The following NAA40 variants were observed in gnomAD, a reference collection of about 807,000 sequenced individuals.
The protein encoded by NAA40 is N-alpha-acetyltransferase 40, NatD catalytic subunit.
In NAA40, 26 loss-of-function variants were observed where a neutral mutation model predicts 36.6. The ratio of observed to expected loss-of-function variants is 0.71; its 90% CI spans 0.52 to 0.98. The LOEUF (loss-of-function observed/expected upper bound fraction) is 0.98, where lower values mean the gene tolerates loss of function less well. Ranked by LOEUF, NAA40 falls within the 50% of genes least tolerant of loss-of-function variation. The pLI is 0.00. For missense variants in NAA40, 237 were observed against 306.5 expected, an observed-to-expected ratio of 0.77 and a Z score of 1.69; for synonymous variants, 129 against 108.4, an observed-to-expected ratio of 1.19 and a Z score of -1.18.
chr11:63,944,413 C>T (rs1942153951), intron 1 of NAA40, among the ~76,000 whole-genome samples: 1 of 152,144 alleles, frequency 6.6e-6, no homozygotes, highest in African/African-American at 2.4e-5. Context: ...GGGATGCCTT[C>T]TGGGGACCAG....
At chr11:63,951,342 GT>G (rs530820370) in intron 3 of NAA40, among the ~76,000 whole-genome samples, 4 of 151,376 alleles carry the variant, frequency 2.6e-5, no homozygotes, top group Admixed American at 2.0e-4. Context: ...GCTTCACCCG[GT>G]TTTTTTTTGT....
intron 1 of NAA40, 41 bp downstream of exon 1, chr11:63,939,143 C>T (rs1942064427): frequency 6.3e-7 from 1 of 1,576,036 alleles, no homozygotes; most frequent in Non-Finnish European, 8.6e-7. Context: ...TCCAGGGGCG[C>T]TCCTCGCTAC....
At chr11:63,949,154 C>T (rs1464793758) in intron 3 of NAA40, among the ~76,000 whole-genome samples, 2 of 152,136 alleles carry the variant, frequency 1.3e-5, no homozygotes. Flanking sequence ...GCATTGCACT[C>T]TAGCCTGGGT....
At chr11:63,954,254 T>C (rs1334110187) in intron 7 of NAA40, 84 bp from the exon 8 acceptor site, 11 of 1,512,930 alleles carry the variant, frequency 7.3e-6, no homozygotes, top group Admixed American at 6.3e-5. Context: ...GTCTCATCAG[T>C]GTGGCTGGTA....
chr11:63,941,802 C>T (rs1942113313), intron 1 of NAA40, among the ~76,000 whole-genome samples: 5 of 152,136 alleles, frequency 3.3e-5, no homozygotes, highest in Admixed American at 3.3e-4. Flanking sequence ...AATCCACCCA[C>T]CTCCGCCTCC....
intron 3 of NAA40, among the ~76,000 whole-genome samples, chr11:63,950,727 G>A (rs1286983170): frequency 6.6e-6 from 1 of 152,130 alleles, no homozygotes; most frequent in South Asian, 2.1e-4. Context: ...CTCCCAAAGT[G>A]CTGGGATTAC....
Position 63,955,152 on chromosome 11 carries a change from C to G in NAA40, c.*673C>G, listed in dbSNP as rs1442056158. ...TCGCTGTCAGAGAGCCTGAAAGGAC[C>G]AACAATGAGGTGTTCTTGGGACCCG... On this transcript the variant is annotated 3_prime_UTR_variant, in exon 8 of 8. Coordinates refer to ENST00000377793, the MANE Select transcript of NAA40 (RefSeq NM_024771.4). 1 of 152,528 alleles carries G rather than the reference C, an allele frequency of 6.6e-6. No homozygotes were observed. The highest frequency in any genetic ancestry group is 1.5e-5 in the Non-Finnish European group (1 of 68,036). 9.4% of individuals were successfully genotyped at this position (152,528 alleles called of 1,614,324 possible). A position where few individuals can be genotyped will look rare whatever the true frequency, so the allele number is the denominator to read the frequency against.
Position 63,954,036 on chromosome 11 carries a change from A to G in NAA40, c.559A>G (p.Arg187Gly). ...CAATCATGGTGCCTACCAGTTCTTC[A>G]GAGAAGCGTTGCAGTAAGGAGCTGG... ...KHNHGAYQFF[R>G]EALQFEIDDS... Residue 187 changes from arginine (R) to glycine (G), a missense_variant, in exon 7 of 8, where the codon AGA (arginine) becomes GGA (glycine). Arg to Gly is a moderately radical substitution (Grantham distance 125, BLOSUM62 -2). Transcript: ENST00000377793. 1 of 1,614,162 alleles carries G rather than the reference A, an allele frequency of 6.2e-7. No homozygotes were observed. Among genetic ancestry groups the G allele is most frequent in the Non-Finnish European group, 8.5e-7 (1 of 1,180,022 alleles).
chr11:63,944,090 A>G (rs769500637), intron 1 of NAA40, among the ~76,000 whole-genome samples: 1 of 152,188 alleles, frequency 6.6e-6, no homozygotes, highest in Non-Finnish European at 1.5e-5. Flanking sequence ...TATAAGAACA[A>G]TCCCTGTGAG....
At chr11:63,940,107 A>G (rs962084200) in intron 1 of NAA40, among the ~76,000 whole-genome samples, 11 of 134,328 alleles carry the variant, frequency 8.2e-5, no homozygotes, top group African/African-American at 2.5e-4. Context: ...CTGGAGTGCA[A>G]TGGCGCGATC....
rs772024933 is a variant in NAA40 at position 63,952,468 on chromosome 11, C to T, written c.313C>T (p.Arg105Ter). 7 of 1,614,152 alleles carry T rather than the reference C, an allele frequency of 4.3e-6. No individual in the cohort carries two copies. Among genetic ancestry groups the T allele is most frequent in the Non-Finnish European group, 5.9e-6 (7 of 1,180,028 alleles). Residue 105 changes from arginine to a stop codon, truncating the protein, a stop_gained, in exon 5 of 8, where the codon CGA becomes TGA. Coordinates refer to ENST00000377793, the MANE Select transcript of NAA40 (RefSeq NM_024771.4). LOFTEE classifies it high-confidence loss of function. ...REKREEMTDDRAWYLIAWENS... is the reference protein window; with the variant it reads ...REKREEMTDD The stretch of plus-strand genomic sequence containing the variant: ...GAAACGGGAGGAAATGACAGATGAC[C>T]GAGCCTGGTACCTCATCGCGTGGGA...
Position 63,955,825 on chromosome 11 carries a change from A to G in NAA40, c.*1346A>G, listed in dbSNP as rs1942356385. The G allele has an allele frequency of 6.6e-6, 1 of 152,306 alleles. No individual in the cohort carries two copies. Among genetic ancestry groups the G allele is most frequent in the Non-Finnish European group, 1.5e-5 (1 of 68,092 alleles). The allele number at this position is 152,306 out of a possible 1,614,324, so 9.4% of individuals were successfully genotyped here. A position where few individuals can be genotyped will look rare whatever the true frequency, so the allele number is the denominator to read the frequency against. On this transcript the variant is annotated 3_prime_UTR_variant, in exon 8 of 8. Coordinates refer to ENST00000377793, the MANE Select transcript of NAA40 (RefSeq NM_024771.4). ...TCCAGGGAAGAAAAGCCAAATCCTT[A>G]TCAAGGAAAAAGCACCTAACAGCTC...
At chr11:63,950,892 T>C (rs1185550364) in intron 3 of NAA40, among the ~76,000 whole-genome samples, 1 of 152,240 alleles carries the variant, frequency 6.6e-6, no homozygotes, top group East Asian at 1.9e-4. Flanking sequence ...GGTTGTGATC[T>C]TACTTTCATG....
In NAA40 at chr11:63,952,223, C is replaced by T. The variant is rs1326915871; in HGVS notation, c.156-15C>T. On this transcript the variant is annotated splice_polypyrimidine_tract_variant and intron_variant, in intron 3 of 7. Coordinates refer to ENST00000377793, the MANE Select transcript of NAA40 (RefSeq NM_024771.4). ...TGCTGTAACCAATTCCGTACACGTCCTGTCCTCTTCTCAGGTTGAATGTCT... is the reference window on the plus strand; with the variant it reads ...TGCTGTAACCAATTCCGTACACGTCTTGTCCTCTTCTCAGGTTGAATGTCT... 6.3e-7 allele frequency: 1 copy of T among 1,594,692 alleles called. No homozygotes were observed. The highest frequency in any genetic ancestry group is 8.6e-7 in the Non-Finnish European group (1 of 1,166,960).
chr11:63,943,280 C>T lies in NAA40; in HGVS notation c.7-2560C>T, dbSNP rs146013986. Among the ~76,000 whole-genome samples, 133 of 152,232 alleles carry T rather than the reference C, an allele frequency of 8.7e-4. No homozygotes were observed. The East Asian group carries it at 0.016, about 18-fold the overall frequency. On this transcript the variant is annotated intron_variant, in intron 1 of 7. Transcript: ENST00000377793. ...GGTGCAGCCCTGGACACCTTCCATC[C>T]GACGCTTCTCTGTCCCTCACCTCTG...
At chr11:63,953,889 C>CA in intron 6 of NAA40, 83 bp from the exon 7 acceptor site, 2 of 1,255,774 alleles carry the variant, frequency 1.6e-6, no homozygotes, top group South Asian at 1.3e-5. Context: ...CTTTGCCCCT[C>CA]AAAGTGCTGG....
In NAA40 at chr11:63,952,825, G is replaced by A. The variant is rs538260628; in HGVS notation, c.480G>A (p.Gln160=). The A allele has an allele frequency of 1.9e-6, 3 of 1,614,116 alleles. No homozygotes were observed. In the South Asian group the frequency reaches 3.3e-5, roughly 18 times the overall value. The change falls in exon 6 of 8, where the codon CAG becomes CAA. Residue 160 remains glutamine, a synonymous_variant. Coordinates refer to ENST00000377793, the MANE Select transcript of NAA40 (RefSeq NM_024771.4). ...GLGKFLIQIL[Q]LMANSTQMKK... ...GGAAGTTCCTCATACAGATCCTGCA[G>A]CTCATGGCCAACAGGTAAGGCCTCC...
chr11:63,945,995 G>T, intron 2 of NAA40, 60 bp downstream of exon 2: 2 of 1,492,074 alleles, frequency 1.3e-6, no homozygotes, highest in South Asian at 2.3e-5. Context: ...TTTATAATTT[G>T]ACTTATTTTG....
chr11:63,945,079 A>G (rs1410756748), intron 1 of NAA40, among the ~76,000 whole-genome samples: 2 of 152,116 alleles, frequency 1.3e-5, no homozygotes, highest in Admixed American at 1.3e-4. Context: ...AGCTGTGGGC[A>G]ATTTGCCATT....
Sources: gnomAD v4.1 joint callset for allele counts (sites outside exome capture counted in the v4.1 genomes callset) on GRCh38, gnomAD v4.1.1 for gene constraint, MANE v1.5 for transcripts, NCBI Gene and HGNC (gene_info 2026-07-23, HGNC 2026-07-21) for gene names.